Variants in CLIC4 observed in about 807,000 individuals in gnomAD.
CLIC4 encodes CLIC family member 4, also known as chloride intracellular channel protein 4.
Under a neutral mutation model 24.6 loss-of-function variants are expected in CLIC4, and 13 were observed. The observed-to-expected ratio is 0.53, with a 90% CI of 0.34 to 0.84. CLIC4 has a LOEUF of 0.84. CLIC4 is among the 40% of genes least tolerant of loss of function. CLIC4 has a pLI of 0.01. For missense variants in CLIC4, 227 were observed against 301.7 expected (o/e 0.75, Z 1.83); for synonymous variants, 104 against 111.3 (o/e 0.93, Z 0.41).
In CLIC4 at chr1:24,814,240, G is replaced by C. The variant is rs760478068; in HGVS notation, c.308+21G>C. 7 of 1,599,684 alleles carry C rather than the reference G, an allele frequency of 4.4e-6. No homozygotes were observed. The African/African-American group carries it at 6.8e-5, about 15-fold the overall frequency. ...CCCAAGTGAGTATCAAGGAAAATAC[G>C]TATGAAAATATTGTCACTTCTTTGA... On this transcript the variant is annotated intron_variant, in intron 3 of 5. Coordinates refer to ENST00000374379, the MANE Select transcript of CLIC4 (RefSeq NM_013943.3).
intron 1 of CLIC4, among the ~76,000 whole-genome samples, chr1:24,746,432 T>C (rs1446337909): frequency 1.3e-5 from 2 of 152,244 alleles, no homozygotes; most frequent in African/African-American, 4.8e-5. Flanking sequence ...AGCTTTCATG[T>C]GTGGAATTTA....
In CLIC4 at chr1:24,745,610, C is replaced by G. The variant is rs775302953; in HGVS notation, c.57C>G (p.Ile19Met). 1.9e-6 allele frequency: 3 copies of G among 1,574,474 alleles called. No homozygotes were observed. The highest frequency in any genetic ancestry group is 2.6e-6 in the Non-Finnish European group (3 of 1,163,486). ...AGGAGGAGGACAAAGAGCCCCTCAT[C>G]GAGCTCTTCGTCAAGGTGAGCGCTC... ...GLKEEDKEPLIELFVKAGSDG... is the reference protein window; with the variant it reads ...GLKEEDKEPLMELFVKAGSDG... Residue 19 changes from isoleucine to methionine, a missense_variant, in exon 1 of 6, where the codon ATC (isoleucine) becomes ATG (methionine). Ile to Met is a conservative substitution (Grantham distance 10). Coordinates refer to ENST00000374379, the MANE Select transcript of CLIC4 (RefSeq NM_013943.3).
intron 1 of CLIC4, among the ~76,000 whole-genome samples, chr1:24,784,338 C>T (rs1365626762): frequency 5.3e-5 from 8 of 152,150 alleles, no homozygotes; most frequent in African/African-American, 1.4e-4. Flanking sequence ...GAAAACAGGC[C>T]CAGTTTTTCA....
Position 24,745,479 on chromosome 1 carries a change from C to A in CLIC4, c.-75C>A. On this transcript the variant is annotated 5_prime_UTR_variant, in exon 1 of 6. Coordinates refer to ENST00000374379, the MANE Select transcript of CLIC4 (RefSeq NM_013943.3). ...CGAGCAGCACGGCGGGAACCGGCAG[C>A]CGGAGCAGTCCCGGAGCAGAAGCAG... The A allele has an allele frequency of 7.2e-7, 1 of 1,396,200 alleles. No individual in the cohort carries two copies. The highest frequency in any genetic ancestry group is 9.8e-7 in the Non-Finnish European group (1 of 1,022,860). The allele number at this position is 1,396,200 out of a possible 1,614,324, so 86.5% of individuals were successfully genotyped here. A position where few individuals can be genotyped will look rare whatever the true frequency, so the allele number is the denominator to read the frequency against.
At chr1:24,795,413 TG>T (rs1639386900) in intron 1 of CLIC4, among the ~76,000 whole-genome samples, 1 of 152,080 alleles carries the variant, frequency 6.6e-6, no homozygotes, top group African/African-American at 2.4e-5. Flanking sequence ...TTTCAGCTAC[TG>T]GGGAGGCTGA....
At chr1:24,760,104 G>T (rs771724949) in intron 1 of CLIC4, among the ~76,000 whole-genome samples, 2 of 152,164 alleles carry the variant, frequency 1.3e-5, no homozygotes, top group Admixed American at 6.5e-5. Flanking sequence ...GGTGGTTCAT[G>T]CCTGTAATCC....
intron 1 of CLIC4, among the ~76,000 whole-genome samples, chr1:24,756,621 A>G (rs1638853137): frequency 6.6e-6 from 1 of 152,372 alleles, no homozygotes; most frequent in Admixed American, 6.5e-5. Context: ...ACCACTGTGC[A>G]GCATAGCTAT....
chr1:24,808,822 A>G (rs1639583495), intron 2 of CLIC4, among the ~76,000 whole-genome samples: 1 of 151,654 alleles, frequency 6.6e-6, no homozygotes. Flanking sequence ...GACTACAGGC[A>G]CCCACCACCA....
chr1:24,790,217 G>A (rs560090397), intron 1 of CLIC4, among the ~76,000 whole-genome samples: 35 of 152,246 alleles, frequency 2.3e-4, no homozygotes, highest in African/African-American at 7.7e-4. Context: ...GATTATAGGC[G>A]TGCGCCACCA....
intron 1 of CLIC4, among the ~76,000 whole-genome samples, chr1:24,745,951 C>G (rs2124069664): frequency 6.7e-6 from 1 of 150,354 alleles, no homozygotes; most frequent in Non-Finnish European, 1.5e-5. Flanking sequence ...GGCCCCAGCG[C>G]CGGGCGCGCG....
At chr1:24,786,620 A>G (rs1378195216) in intron 1 of CLIC4, among the ~76,000 whole-genome samples, 1 of 151,544 alleles carries the variant, frequency 6.6e-6, no homozygotes, top group Non-Finnish European at 1.5e-5. Context: ...AATTATTTTT[A>G]TTTTTTTTTA....
At chr1:24,830,140 A>G (rs575003606) in intron 4 of CLIC4, among the ~76,000 whole-genome samples, 13 of 152,328 alleles carry the variant, frequency 8.5e-5, no homozygotes, top group Admixed American at 3.3e-4. Context: ...TACAAATAAC[A>G]GAGAATACAT....
intron 1 of CLIC4, among the ~76,000 whole-genome samples, chr1:24,767,562 T>C (rs1639016663): frequency 6.6e-6 from 1 of 152,196 alleles, no homozygotes; most frequent in Non-Finnish European, 1.5e-5. Flanking sequence ...GAGTTTGCTC[T>C]TGAATTAACT....
intron 3 of CLIC4, among the ~76,000 whole-genome samples, chr1:24,818,251 A>T (rs753280525): frequency 2.6e-5 from 4 of 152,156 alleles, no homozygotes; most frequent in Non-Finnish European, 4.4e-5. Flanking sequence ...CAATAAGACA[A>T]GTTATACCTG....
chr1:24,826,978 G>A (rs1639792564), intron 3 of CLIC4, 32 bp from the exon 4 acceptor site: 2 of 1,451,734 alleles, frequency 1.4e-6, no homozygotes, highest in Non-Finnish European at 1.9e-6. Context: ...ATCTTTGAAG[G>A]ATCTATAATC....
intron 5 of CLIC4, among the ~76,000 whole-genome samples, 154 bp downstream of exon 5, chr1:24,840,195 T>A (rs1363520834): frequency 1.3e-5 from 2 of 152,226 alleles, no homozygotes; most frequent in Admixed American, 1.3e-4. Flanking sequence ...CTAGAGTTAG[T>A]TAAATGGAAA....
intron 3 of CLIC4, 102 bp from the exon 4 acceptor site, chr1:24,826,908 A>T: frequency 1.4e-6 from 1 of 703,646 alleles, no homozygotes; most frequent in Admixed American, 2.7e-5. Flanking sequence ...TATAGTAATA[A>T]CTATTAAAAG....
chr1:24,826,895 T>A (rs1186315967), intron 3 of CLIC4, 115 bp from the exon 4 acceptor site: 10 of 640,454 alleles, frequency 1.6e-5, no homozygotes, highest in South Asian at 2.2e-5. Flanking sequence ...TGATGGTATT[T>A]CTTATAGTAA....
chr1:24,819,328 A>G (rs1262012933), intron 3 of CLIC4, among the ~76,000 whole-genome samples: 1 of 152,200 alleles, frequency 6.6e-6, no homozygotes, highest in Non-Finnish European at 1.5e-5. Flanking sequence ...GGCCATGCAT[A>G]TAATTAGAAT....
Sources: gnomAD v4.1 joint callset for allele counts (sites outside exome capture counted in the v4.1 genomes callset) on GRCh38, gnomAD v4.1.1 for gene constraint, MANE v1.5 for transcripts, NCBI Gene and HGNC (gene_info 2026-07-23, HGNC 2026-07-21) for gene names.